KHDC1: variants seen among roughly 807,000 people sequenced by gnomAD.
KHDC1 encodes the protein KH domain containing 1, also known as KH homology domain-containing protein 1.
A neutral mutation model predicts 24.7 loss-of-function variants in KHDC1; 21 were observed. That is an observed-to-expected ratio of 0.85 (90% CI 0.60 to 1.23). KHDC1 has a LOEUF of 1.23. Among genes scored for constraint, KHDC1 ranks in the 50% most tolerant of loss-of-function variants. The probability of loss-of-function intolerance (pLI) is 0.00; values close to 1 mark genes in which losing one functional copy is unlikely to be tolerated. For missense variants in KHDC1, 274 were observed against 298.5 expected (o/e 0.92, Z 0.61); for synonymous variants, 98 against 111.7 (o/e 0.88, Z 0.77).
At chr6:73,246,522 A>G (rs1582550383) in intron 2 of KHDC1, among the ~76,000 whole-genome samples, 1 of 152,216 alleles carries the variant, frequency 6.6e-6, no homozygotes, top group East Asian at 1.9e-4. Context: ...CACGAGAATT[A>G]AGGAGGGCAC....
intron 2 of KHDC1, among the ~76,000 whole-genome samples, chr6:73,255,210 T>C (rs866621477): frequency 7.1e-6 from 1 of 140,414 alleles, no homozygotes; most frequent in Non-Finnish European, 1.6e-5. Context: ...AAAAAAAAAA[T>C]AAACTTTTTT....
chr6:73,291,557 C>T (rs535924920), intron 2 of KHDC1, among the ~76,000 whole-genome samples: 3 of 151,988 alleles, frequency 2.0e-5, no homozygotes, highest in African/African-American at 7.2e-5. Flanking sequence ...GACTTCCTAA[C>T]TTCAAGCAAT....
chr6:73,245,233 T>C (rs1766645731), intron 2 of KHDC1, among the ~76,000 whole-genome samples: 1 of 152,224 alleles, frequency 6.6e-6, no homozygotes, highest in South Asian at 2.1e-4. Flanking sequence ...ATCGTCTTCT[T>C]CTAAAGATCA....
chr6:73,289,132 A>C (rs1363563858), intron 2 of KHDC1, among the ~76,000 whole-genome samples: 2 of 151,792 alleles, frequency 1.3e-5, no homozygotes, highest in Non-Finnish European at 2.9e-5. Context: ...CCAGGAGTTC[A>C]AGACTAGCCT....
chr6:73,307,230 C>G (rs35524602), intron 1 of KHDC1, among the ~76,000 whole-genome samples: 2,824 of 151,944 alleles, frequency 0.019, 33 homozygotes, highest in Non-Finnish European at 0.03. Flanking sequence ...GAGTTCAAGA[C>G]CAGCCTGGAC....
chr6:73,290,275 C>CA (rs1182248016), intron 2 of KHDC1: 1,552 of 148,844 alleles, frequency 0.01, 2 homozygotes, highest in East Asian at 0.034. Flanking sequence ...GACTTCATCC[C>CA]AAAAAAAAAA....
intron 2 of KHDC1, among the ~76,000 whole-genome samples, chr6:73,283,677 G>C (rs548511524): frequency 7.5e-6 from 1 of 134,218 alleles, no homozygotes; most frequent in South Asian, 2.3e-4. Flanking sequence ...GTCTCTCTCT[G>C]TCGCCCAGGC....
intron 2 of KHDC1, among the ~76,000 whole-genome samples, chr6:73,277,536 A>G (rs1450749915): frequency 6.6e-6 from 1 of 152,182 alleles, no homozygotes; most frequent in African/African-American, 2.4e-5. Context: ...AAAACACATT[A>G]TCAGTTAGTA....
intron 2 of KHDC1, among the ~76,000 whole-genome samples, chr6:73,261,275 T>C (rs569323944): frequency 6.6e-6 from 1 of 150,944 alleles, no homozygotes; most frequent in Non-Finnish European, 1.5e-5. Flanking sequence ...AAACCCCGTC[T>C]TTACTAAAAA....
At chr6:73,280,881 C>T (rs1767391329) in intron 2 of KHDC1, among the ~76,000 whole-genome samples, 1 of 151,844 alleles carries the variant, frequency 6.6e-6, no homozygotes, top group African/African-American at 2.4e-5. Context: ...GAACTCCCTT[C>T]TGTGATCATA....
intron 1 of KHDC1, among the ~76,000 whole-genome samples, chr6:73,297,985 G>GT (rs892812185): frequency 2.6e-5 from 4 of 152,072 alleles, no homozygotes; most frequent in African/African-American, 9.7e-5. Context: ...GACTCCGGGA[G>GT]TTTGAGACCA....
At chr6:73,269,472 C>CT (rs1297380951) in intron 2 of KHDC1, 1 of 152,542 alleles carries the variant, frequency 6.6e-6, no homozygotes, top group African/African-American at 2.4e-5. Context: ...CTCACGTGAT[C>CT]TGCCCGCCTG....
At chr6:73,303,378 T>A (rs2150754877) in intron 1 of KHDC1, among the ~76,000 whole-genome samples, 1 of 152,212 alleles carries the variant, frequency 6.6e-6, no homozygotes, top group East Asian at 1.9e-4. Context: ...ACCACAGTAA[T>A]CATTGCCTCA....
At chr6:73,291,967 G>A (rs748991476) in intron 2 of KHDC1, 45 of 1,612,176 alleles carry the variant, frequency 2.8e-5, no homozygotes, top group Admixed American at 6.7e-5. Flanking sequence ...GTAAGATGGC[G>A]GGGTACGACT....
intron 2 of KHDC1, among the ~76,000 whole-genome samples, chr6:73,251,852 CA>C (rs1766782964): frequency 6.8e-6 from 1 of 147,124 alleles, no homozygotes; most frequent in African/African-American, 2.5e-5. Flanking sequence ...TGCTGGAGTA[CA>C]GTAGCAAGAT....
chr6:73,292,812 A>G, intron 1 of KHDC1: 2 of 705,520 alleles, frequency 2.8e-6, no homozygotes, highest in Non-Finnish European at 5.3e-6. Flanking sequence ...ACATATAAAG[A>G]CCCAATTACA....
intron 2 of KHDC1, among the ~76,000 whole-genome samples, chr6:73,283,368 TC>T (rs1444667893): frequency 6.6e-6 from 1 of 152,104 alleles, no homozygotes; most frequent in East Asian, 1.9e-4. Flanking sequence ...GTTTTGTTTA[TC>T]CTATTTTGTT....
At chr6:73,308,134 ACG>A (rs1184238918) in intron 1 of KHDC1, among the ~76,000 whole-genome samples, 1 of 138,348 alleles carries the variant, frequency 7.2e-6, no homozygotes, top group Non-Finnish European at 1.5e-5. Flanking sequence ...GAGTGCAGTG[ACG>A]CGATCACGGC....
At chr6:73,276,503 TTAAAAAAAAAA>T (rs1208552068) in intron 2 of KHDC1, 1 of 25,886 alleles carries the variant, frequency 3.9e-5, no homozygotes, top group Non-Finnish European at 3.5e-4. Flanking sequence ...AGAAAAGTAT[TTAAAAAAAAAA>T]AAACTAGCCA....
Sources: gnomAD v4.1 joint callset for allele counts (sites outside exome capture counted in the v4.1 genomes callset) on GRCh38, gnomAD v4.1.1 for gene constraint, MANE v1.5 for transcripts, NCBI Gene and HGNC (gene_info 2026-07-23, HGNC 2026-07-21) for gene names.